Variants in AGMO observed in about 807,000 individuals in gnomAD.
AGMO encodes glyceryl-ether monooxygenase.
A neutral mutation model predicts 60.2 loss-of-function variants in AGMO; 75 were observed. That is an observed-to-expected ratio of 1.25 (90% CI 1.03 to 1.51). The LOEUF (loss-of-function observed/expected upper bound fraction) is 1.51. Ranked by LOEUF, AGMO falls within the 40% of genes most tolerant of loss-of-function variation. The pLI is 0.00. For missense variants in AGMO, 763 were observed against 525.5 expected (o/e 1.45, Z -4.42); for synonymous variants, 261 against 177.1 (o/e 1.47, Z -3.76).
At position 15,233,860 on chromosome 7, in the gene AGMO, A is replaced by G. The variant is rs538294195; in HGVS notation, c.1264-32501T>C. 3.9e-5 allele frequency among the ~76,000 whole-genome samples: 6 copies of G among 152,246 alleles called. No homozygotes were observed. In the East Asian group the frequency reaches 7.8e-4, roughly 20 times the overall value. On this transcript the variant is annotated intron_variant, in intron 12 of 12. Transcript: ENST00000342526. ...AGGTCAGTTCGAGACCAGCCTGACCAACGTGGTGAAACCCTGTCTCTACTA... is the reference window on the plus strand; with the variant it reads ...AGGTCAGTTCGAGACCAGCCTGACCGACGTGGTGAAACCCTGTCTCTACTA...
chr7:15,371,726 A>G (rs1783226582), intron 10 of AGMO, among the ~76,000 whole-genome samples: 1 of 151,292 alleles, frequency 6.6e-6, no homozygotes, highest in South Asian at 2.1e-4. Flanking sequence ...TTTTTTTTGT[A>G]GAGATGGGTT....
intron 3 of AGMO, among the ~76,000 whole-genome samples, chr7:15,452,133 T>C (rs1443741508): frequency 6.6e-6 from 1 of 152,108 alleles, no homozygotes; most frequent in Admixed American, 6.6e-5. Flanking sequence ...ACTATATAAC[T>C]CTTAAAGGAA....
intron 3 of AGMO, among the ~76,000 whole-genome samples, chr7:15,538,056 G>A (rs749246920): frequency 1.3e-5 from 2 of 152,068 alleles, no homozygotes; most frequent in Non-Finnish European, 2.9e-5. Context: ...AAAAGGCATA[G>A]GCAAGTTGTT....
intron 10 of AGMO, among the ~76,000 whole-genome samples, chr7:15,373,869 A>G (rs1477982590): frequency 6.6e-6 from 1 of 152,182 alleles, no homozygotes; most frequent in South Asian, 2.1e-4. Flanking sequence ...AAAAGTTATT[A>G]TTTTGATTAA....
the AGMO span, among the ~76,000 whole-genome samples, chr7:15,158,702 G>A: frequency 6.6e-6 from 1 of 152,088 alleles, no homozygotes; most frequent in South Asian, 2.1e-4. Flanking sequence ...AGTCTGTTGT[G>A]CTTATAAAGC....
At chr7:15,448,470 A>T (rs1216478729) in intron 3 of AGMO, among the ~76,000 whole-genome samples, 1 of 152,200 alleles carries the variant, frequency 6.6e-6, no homozygotes, top group African/African-American at 2.4e-5. Flanking sequence ...TAATGTTTAT[A>T]AGCCACTTGG....
the AGMO span, among the ~76,000 whole-genome samples, chr7:15,128,090 C>T: frequency 6.6e-6 from 1 of 152,110 alleles, no homozygotes; most frequent in African/African-American, 2.4e-5. Flanking sequence ...TTTAGAGCAT[C>T]AGTCCTGCCT....
intron 12 of AGMO, among the ~76,000 whole-genome samples, chr7:15,351,846 A>T (rs979275110): frequency 6.6e-6 from 1 of 152,228 alleles, no homozygotes; most frequent in Non-Finnish European, 1.5e-5. Context: ...TAAATGAATC[A>T]TTGAGAAAGT....
At chr7:15,212,288 A>AC (rs1563037307) in intron 12 of AGMO, among the ~76,000 whole-genome samples, 9 of 148,824 alleles carry the variant, frequency 6.0e-5, no homozygotes, top group Non-Finnish European at 1.0e-4. Context: ...ACACACACAC[A>AC]AATAGCATGG....
chr7:15,376,625 G>C lies in AGMO; in HGVS notation c.1074+8821C>G, dbSNP rs552612334. 3.3e-5 allele frequency among the ~76,000 whole-genome samples: 5 copies of C among 152,074 alleles called. No individual in the cohort carries two copies. In the South Asian group the frequency reaches 1.0e-3, roughly 31 times the overall value. On this transcript the variant is annotated intron_variant, in intron 10 of 12. Transcript: ENST00000342526. The stretch of plus-strand genomic sequence containing the variant: ...ACATATCCTATTATAAGACCTTATT[G>C]AATATTCAAACTGTTTTTTGTGTGT...
At chr7:15,483,475 A>C (rs1782818797) in intron 3 of AGMO, among the ~76,000 whole-genome samples, 1 of 152,110 alleles carries the variant, frequency 6.6e-6, no homozygotes. Flanking sequence ...CTGAGGCAGG[A>C]GAATGGCGTG....
chr7:15,357,383 A>G (rs1001701606), intron 12 of AGMO, among the ~76,000 whole-genome samples: 1 of 152,120 alleles, frequency 6.6e-6, no homozygotes, highest in African/African-American at 2.4e-5. Context: ...CTGTGATGAC[A>G]ATACACTAAC....
At chr7:15,517,707 G>C (rs1036797215) in intron 3 of AGMO, among the ~76,000 whole-genome samples, 1 of 152,080 alleles carries the variant, frequency 6.6e-6, no homozygotes, top group Non-Finnish European at 1.5e-5. Flanking sequence ...ACACTACCAG[G>C]GAACTGGGTT....
chr7:15,393,424 T>A (rs2128486243), intron 6 of AGMO, among the ~76,000 whole-genome samples: 1 of 152,368 alleles, frequency 6.6e-6, no homozygotes, highest in Non-Finnish European at 1.5e-5. Flanking sequence ...GCATTTTCAT[T>A]GTTATATCCT....
intron 2 of AGMO, among the ~76,000 whole-genome samples, chr7:15,550,506 A>G (rs1221716457): frequency 6.6e-6 from 1 of 152,186 alleles, no homozygotes; most frequent in Admixed American, 6.5e-5. Flanking sequence ...TCCCACAGAA[A>G]TACAAACTAC....
intron 12 of AGMO, among the ~76,000 whole-genome samples, chr7:15,352,389 A>G (rs1358906811): frequency 6.6e-6 from 1 of 152,010 alleles, no homozygotes; most frequent in Non-Finnish European, 1.5e-5. Context: ...TCTCACAACT[A>G]CAAACTCACG....
rs146213942 is a variant in AGMO, at chr7:15,243,275, T to G, written c.1264-41916A>C. 1.7e-3 allele frequency among the ~76,000 whole-genome samples: 264 copies of G among 152,244 alleles called. 1 individual carries two copies. Among genetic ancestry groups the G allele is most frequent in the Non-Finnish European group, 3.0e-3 (204 of 67,984 alleles). On this transcript the variant is annotated intron_variant, in intron 12 of 12. Transcript: ENST00000342526. Reference sequence around the variant, plus strand: ...GTGGTAAATATTTATCAATGTTTCTTTGTTCTTCTAAGCAGCTACAGCATT... The same window carrying G: ...GTGGTAAATATTTATCAATGTTTCTGTGTTCTTCTAAGCAGCTACAGCATT...
the AGMO span, among the ~76,000 whole-genome samples, chr7:15,173,186 T>A: frequency 1.3e-5 from 2 of 152,186 alleles, no homozygotes; most frequent in Admixed American, 1.3e-4. Flanking sequence ...ATCTACTGAA[T>A]ATATTTATTG....
At position 15,555,048 on chromosome 7, in the gene AGMO, T is replaced by G. The variant is rs1273980873; in HGVS notation, c.257+5093A>C. Among the ~76,000 whole-genome samples the G allele has an allele frequency of 2.0e-5, 3 of 151,996 alleles. No individual in the cohort carries two copies. The East Asian group carries it at 5.8e-4, about 29-fold the overall frequency. ...GCAAGTTTCAGAATAAGTAGACTCA[T>G]GTAATACACTCATACAAATCTGCCA... On this transcript the variant is annotated intron_variant, in intron 2 of 12. Transcript: ENST00000342526.
Sources: gnomAD v4.1 joint callset for allele counts (sites outside exome capture counted in the v4.1 genomes callset) on GRCh38, gnomAD v4.1.1 for gene constraint, MANE v1.5 for transcripts, NCBI Gene and HGNC (gene_info 2026-07-23, HGNC 2026-07-21) for gene names.